ADAMTSL1: variants seen among roughly 807,000 people sequenced by gnomAD.
The protein encoded by ADAMTSL1 is ADAMTS like 1.
Under a neutral mutation model 201.8 loss-of-function variants are expected in ADAMTSL1, and 126 were observed. The ratio of observed to expected loss-of-function variants is 0.62; its 90% confidence interval spans 0.54 to 0.72. ADAMTSL1 has a LOEUF of 0.72. Ranked by LOEUF, ADAMTSL1 falls within the 30% of genes least tolerant of loss-of-function variation. ADAMTSL1 has a pLI of 0.00. For synonymous variants in ADAMTSL1, 1,121 were observed against 903.4 expected (o/e 1.24, Z -4.32); for missense variants, 2,679 against 2,277.8 (o/e 1.18, Z -3.59).
rs372889194 is a variant in ADAMTSL1 at position 18,012,693 on chromosome 9, G to A, written c.87+105771G>A. 3.9e-4 allele frequency among the ~76,000 whole-genome samples: 59 copies of A among 152,210 alleles called. 2 individuals are homozygous for A. In the South Asian group the frequency reaches 0.012, roughly 31 times the overall value. ...GGTATTAGGAAGGAGGATGTGAGGTGTGGGCTTCTCCCAGGAGATGGGGAG... is the reference window on the plus strand; with the variant it reads ...GGTATTAGGAAGGAGGATGTGAGGTATGGGCTTCTCCCAGGAGATGGGGAG... On this transcript the variant is annotated intron_variant, in intron 1 of 29. Coordinates refer to the ADAMTSL1 transcript ENST00000680146.
In ADAMTSL1 at chr9:17,909,863, G is replaced by T. The variant is rs1825866926; in HGVS notation, c.87+2941G>T. On this transcript the variant is annotated intron_variant, in intron 1 of 29. Coordinates refer to the ADAMTSL1 transcript ENST00000680146. ...GGGGGACCGGGGAGGGATAGCATTGGGAGATATACCTAATGCTAGATGAGG... is the reference window on the plus strand; with the variant it reads ...GGGGGACCGGGGAGGGATAGCATTGTGAGATATACCTAATGCTAGATGAGG... Among the ~76,000 whole-genome samples, 2 of 67,722 alleles carry T rather than the reference G, an allele frequency of 3.0e-5. 1 individual carries two copies. The highest frequency in any genetic ancestry group is 2.1e-3 in the South Asian group (2 of 960). The allele number at this position is 67,722 out of a possible 152,430, so 44.4% of individuals were successfully genotyped here.
At chr9:18,792,400 T>C (rs995438419) in intron 19 of ADAMTSL1, among the ~76,000 whole-genome samples, 1 of 152,158 alleles carries the variant, frequency 6.6e-6, no homozygotes, top group African/African-American at 2.4e-5. Context: ...TAAATCATAG[T>C]AGGACCAAAA....
intron 2 of ADAMTSL1, among the ~76,000 whole-genome samples, chr9:18,324,659 G>A (rs1834757039): frequency 6.6e-6 from 1 of 151,768 alleles, no homozygotes; most frequent in Admixed American, 6.6e-5. Context: ...AGCTACTAGG[G>A]AGGCTGAGGC....
intron 23 of ADAMTSL1, among the ~76,000 whole-genome samples, chr9:18,877,801 G>C (rs1828264204): frequency 6.6e-6 from 1 of 152,052 alleles, no homozygotes; most frequent in Non-Finnish European, 1.5e-5. Context: ...ATAAGTATTG[G>C]GGTTTCTCAG....
At chr9:18,151,158 G>A (rs1041341968) in intron 1 of ADAMTSL1, among the ~76,000 whole-genome samples, 2 of 151,984 alleles carry the variant, frequency 1.3e-5, no homozygotes, top group Non-Finnish European at 2.9e-5. Context: ...CATCATCTGT[G>A]ACCTTAATGC....
chr9:17,932,610 A>G (rs1337006108), intron 1 of ADAMTSL1, among the ~76,000 whole-genome samples: 2 of 152,162 alleles, frequency 1.3e-5, no homozygotes, highest in Non-Finnish European at 2.9e-5. Flanking sequence ...GAGACTTTGG[A>G]AAAGATGACA....
intron 2 of ADAMTSL1, among the ~76,000 whole-genome samples, chr9:18,182,470 A>G (rs1047712779): frequency 4.6e-5 from 7 of 152,196 alleles, no homozygotes; most frequent in African/African-American, 1.7e-4. Context: ...TCTAGAATAT[A>G]AAGACAATAG....
Position 18,709,204 on chromosome 9 carries a change from T to A in ADAMTSL1, c.1876+2156T>A, listed in dbSNP as rs78705468. On this transcript the variant is annotated intron_variant, in intron 14 of 28. Coordinates refer to ENST00000380548, the MANE Select transcript of ADAMTSL1 (RefSeq NM_001040272.6). ...CCAAAGTGATGAAAATATGCTTGGGTTATATGGTCCATATGATGCCCATAT... is the reference window on the plus strand; with the variant it reads ...CCAAAGTGATGAAAATATGCTTGGGATATATGGTCCATATGATGCCCATAT... Among the ~76,000 whole-genome samples the A allele has an allele frequency of 1.2e-3, 179 of 152,278 alleles. 1 individual carries two copies. Among genetic ancestry groups the A allele is most frequent in the African/African-American group, 3.9e-3 (164 of 41,562 alleles).
chr9:18,840,395 A>ATG (rs1267723533), intron 23 of ADAMTSL1, among the ~76,000 whole-genome samples: 1 of 152,118 alleles, frequency 6.6e-6, no homozygotes, highest in Non-Finnish European at 1.5e-5. Context: ...ATTGATCTAT[A>ATG]TCTCTGTTTT....
intron 1 of ADAMTSL1, among the ~76,000 whole-genome samples, chr9:18,149,549 G>C (rs1014304476): frequency 1.3e-5 from 2 of 152,008 alleles, no homozygotes; most frequent in Non-Finnish European, 2.9e-5. Context: ...GAGTGTGTTA[G>C]AAAAGCATCA....
chr9:18,610,822 C>G (rs1318670046), intron 4 of ADAMTSL1, among the ~76,000 whole-genome samples: 2 of 152,118 alleles, frequency 1.3e-5, no homozygotes, highest in African/African-American at 4.8e-5. Flanking sequence ...CACACTATTG[C>G]TGTTGGAATA....
chr9:18,312,105 G>T (rs1407248521), intron 2 of ADAMTSL1, among the ~76,000 whole-genome samples: 1 of 152,214 alleles, frequency 6.6e-6, no homozygotes, highest in Non-Finnish European at 1.5e-5. Flanking sequence ...GTATAAAATA[G>T]GGGAAGTGGT....
In ADAMTSL1 at chr9:18,315,856, G is replaced by A. The variant is rs911519292; in HGVS notation, c.207+151875G>A. On this transcript the variant is annotated intron_variant, in intron 2 of 29. Transcript: ENST00000680146. Reference sequence around the variant, plus strand: ...GGCCAAGGAGGCGCAGAGAGCGAGCGAGGGCTGCTAGCATGTTGTCACCTC... The same window carrying A: ...GGCCAAGGAGGCGCAGAGAGCGAGCAAGGGCTGCTAGCATGTTGTCACCTC... 4.6e-5 allele frequency among the ~76,000 whole-genome samples: 7 copies of A among 152,170 alleles called. No individual in the cohort carries two copies. The East Asian group carries it at 5.8e-4, about 13-fold the overall frequency.
At chr9:18,712,182 G>T (rs1246917044) in intron 14 of ADAMTSL1, among the ~76,000 whole-genome samples, 5 of 152,096 alleles carry the variant, frequency 3.3e-5, no homozygotes, top group Non-Finnish European at 5.9e-5. Flanking sequence ...ACTCTAAAAA[G>T]CAGAGCGCCT....
intron 2 of ADAMTSL1, among the ~76,000 whole-genome samples, chr9:18,528,664 A>G (rs1352834412): frequency 6.6e-6 from 1 of 152,170 alleles, no homozygotes; most frequent in Non-Finnish European, 1.5e-5. Context: ...GCTAGAAGAA[A>G]CATACCTGTG....
intron 2 of ADAMTSL1, among the ~76,000 whole-genome samples, chr9:18,324,306 T>C (rs529551722): frequency 6.6e-6 from 1 of 152,238 alleles, no homozygotes; most frequent in African/African-American, 2.4e-5. Context: ...CAAAACTTAA[T>C]TCAAAATGGA....
intron 2 of ADAMTSL1, among the ~76,000 whole-genome samples, chr9:18,445,944 C>T (rs557403799): frequency 6.6e-6 from 1 of 152,158 alleles, no homozygotes; most frequent in Non-Finnish European, 1.5e-5. Flanking sequence ...TATAGTTACC[C>T]TATCATGTAG....
At chr9:18,139,285 G>A (rs890943680) in intron 1 of ADAMTSL1, among the ~76,000 whole-genome samples, 2 of 152,138 alleles carry the variant, frequency 1.3e-5, no homozygotes, top group Admixed American at 6.5e-5. Context: ...CACTCCCAAG[G>A]CAGAGGAGGG....
chr9:18,070,945 T>G (rs1822936350), intron 1 of ADAMTSL1, among the ~76,000 whole-genome samples: 1 of 152,110 alleles, frequency 6.6e-6, no homozygotes, highest in Admixed American at 6.5e-5. Flanking sequence ...GAAGAAACAT[T>G]GGGTGTTGGT....
Sources: allele counts gnomAD v4.1 joint callset (sites outside exome capture counted in the v4.1 genomes callset), GRCh38; gene constraint gnomAD v4.1.1; transcripts MANE v1.5; gene names NCBI Gene and HGNC (gene_info 2026-07-23, HGNC 2026-07-21).